DPP10: variants seen among roughly 807,000 people sequenced by gnomAD.
The protein encoded by DPP10 is dipeptidyl peptidase like 10.
DPP10 carries 33 observed loss-of-function variants against 120.9 expected under a neutral mutation model. The observed-to-expected ratio is 0.27, with a 90% CI of 0.21 to 0.37. The LOEUF (loss-of-function observed/expected upper bound fraction) is 0.37, where lower values mean the gene tolerates loss of function less well. Among genes scored for constraint, DPP10 ranks in the 10% least tolerant of loss-of-function variants. DPP10 has a pLI of 1.00. For missense variants in DPP10, 816 were observed against 942.8 expected, an observed-to-expected ratio of 0.87 and a Z score of 1.76; for synonymous variants, 337 against 326.1, an observed-to-expected ratio of 1.03 and a Z score of -0.36.
In DPP10 at chr2:115,257,765, A is replaced by T. The variant is rs556780525; in HGVS notation, c.61-51474A>T. On this transcript the variant is annotated intron_variant, in intron 1 of 25. Transcript: ENST00000410059. ...TCCTAAGTTACATAACATTTGGTCT[A>T]CATTAGTCCATTCATATAACATAGG... is the stretch of plus-strand genomic sequence containing the variant. Among the ~76,000 whole-genome samples, 9 of 152,306 alleles carry T rather than the reference A, an allele frequency of 5.9e-5. No homozygotes were observed. In the South Asian group the frequency reaches 1.9e-3, roughly 32 times the overall value.
intron 3 of DPP10, among the ~76,000 whole-genome samples, chr2:115,426,947 T>C (rs2070529626): frequency 1.3e-5 from 2 of 152,360 alleles, no homozygotes; most frequent in African/African-American, 2.4e-5. Flanking sequence ...ACTTACAAGA[T>C]ACAATGAGGT....
chr2:114,490,616 A>G (rs2104726148), intron 1 of DPP10, among the ~76,000 whole-genome samples: 1 of 152,306 alleles, frequency 6.6e-6, no homozygotes, highest in African/African-American at 2.4e-5. Context: ...TGAAGAATTG[A>G]TAGAACTTGG....
chr2:114,681,097 A>G (rs1254660795), intron 1 of DPP10, among the ~76,000 whole-genome samples: 1 of 151,922 alleles, frequency 6.6e-6, no homozygotes, highest in African/African-American at 2.4e-5. Flanking sequence ...TTCCAGTTCT[A>G]CCCCTTTTGC....
chr2:114,912,071 G>T (rs575265566), intron 1 of DPP10, among the ~76,000 whole-genome samples: 1 of 152,042 alleles, frequency 6.6e-6, no homozygotes, highest in Non-Finnish European at 1.5e-5. Context: ...ATGATATGCC[G>T]TTCAGAGAGA....
At chr2:115,409,849 A>G (rs2068808377) in intron 3 of DPP10, among the ~76,000 whole-genome samples, 2 of 152,238 alleles carry the variant, frequency 1.3e-5, no homozygotes, top group African/African-American at 4.8e-5. Flanking sequence ...GAAACAAAAT[A>G]ATAACATTCA....
chr2:115,472,400 CAGAA>C (rs1253928608), intron 3 of DPP10, among the ~76,000 whole-genome samples: 3 of 152,074 alleles, frequency 2.0e-5, no homozygotes, highest in South Asian at 2.1e-4. Flanking sequence ...ATTACAAAAG[CAGAA>C]AGAAACAGGT....
chr2:114,656,393 A>C (rs1420484993), intron 1 of DPP10, among the ~76,000 whole-genome samples: 1 of 152,144 alleles, frequency 6.6e-6, no homozygotes, highest in Non-Finnish European at 1.5e-5. Flanking sequence ...AGTGATTTGC[A>C]GAAGATAAAA....
intron 1 of DPP10, among the ~76,000 whole-genome samples, chr2:115,016,334 C>T (rs1050830906): frequency 1.1e-4 from 16 of 152,134 alleles, no homozygotes; most frequent in African/African-American, 3.6e-4. Flanking sequence ...CCCTTCCTTA[C>T]ACCTCATACA....
At chr2:115,351,546 A>G (rs1316777041) in intron 3 of DPP10, among the ~76,000 whole-genome samples, 2 of 152,096 alleles carry the variant, frequency 1.3e-5, no homozygotes, top group Non-Finnish European at 2.9e-5. Context: ...TTAAAAATCA[A>G]ATAAAAAGTA....
At chr2:115,207,926 C>T (rs1245647630) in intron 1 of DPP10, among the ~76,000 whole-genome samples, 1 of 151,966 alleles carries the variant, frequency 6.6e-6, no homozygotes, top group East Asian at 1.9e-4. Context: ...AGTTATATAA[C>T]AATAGATTGG....
At chr2:115,808,303 A>G (rs1216530720) in intron 19 of DPP10, among the ~76,000 whole-genome samples, 1 of 152,212 alleles carries the variant, frequency 6.6e-6, no homozygotes, top group East Asian at 1.9e-4. Context: ...GAGGTCAAGA[A>G]TACTTCGATG....
At position 114,810,883 on chromosome 2, in the gene DPP10, G is replaced by A. The variant is rs569641621; in HGVS notation, c.60+368045G>A. ...TAATCTTTATTTATCAATGAAACTA[G>A]CCCTGCGGTTTTTCCCAGAAGACTC... On this transcript the variant is annotated intron_variant, in intron 1 of 25. Transcript: ENST00000410059. Among the ~76,000 whole-genome samples the A allele has an allele frequency of 2.4e-4, 36 of 152,262 alleles. 1 individual carries two copies. Among genetic ancestry groups the A allele is most frequent in the Non-Finnish European group, 1.9e-4 (13 of 68,008 alleles).
chr2:115,238,742 C>A (rs1413555754), intron 1 of DPP10, among the ~76,000 whole-genome samples: 1 of 152,002 alleles, frequency 6.6e-6, no homozygotes, highest in Non-Finnish European at 1.5e-5. Context: ...GAAATGACAG[C>A]AAAGGATTTA....
chr2:114,718,585 AACTT>A lies in DPP10; in HGVS notation c.60+275748_60+275751del, dbSNP rs1173331986. ...AGAACCAATGTTTTTGGTCACAGGT[AACTT>A]GGTAAGAGAAGTTTGACACCTTTAG... On this transcript the variant is annotated intron_variant, in intron 1 of 25. Transcript: ENST00000410059. 3.3e-5 allele frequency among the ~76,000 whole-genome samples: 5 copies of A among 152,270 alleles called. No homozygotes were observed. In the East Asian group the frequency reaches 9.7e-4, roughly 29 times the overall value.
chr2:115,162,565 A>G (rs1489481831), intron 1 of DPP10, among the ~76,000 whole-genome samples: 1 of 151,714 alleles, frequency 6.6e-6, no homozygotes, highest in Non-Finnish European at 1.5e-5. Flanking sequence ...GGGATGGGGG[A>G]AGAGTGTCCC....
At chr2:115,302,720 G>A (rs1270630483) in intron 1 of DPP10, among the ~76,000 whole-genome samples, 1 of 152,054 alleles carries the variant, frequency 6.6e-6, no homozygotes, top group African/African-American at 2.4e-5. Flanking sequence ...TTGTACCATA[G>A]CTCAGATTCC....
chr2:115,414,764 A>T (rs1574769297), intron 3 of DPP10, among the ~76,000 whole-genome samples: 1 of 152,282 alleles, frequency 6.6e-6, no homozygotes, highest in Non-Finnish European at 1.5e-5. Flanking sequence ...AAAAAAGAAA[A>T]ATCCAAAGGG....
intron 1 of DPP10, among the ~76,000 whole-genome samples, chr2:114,477,470 T>C (rs1444689761): frequency 6.6e-6 from 1 of 151,192 alleles, no homozygotes; most frequent in Non-Finnish European, 1.5e-5. Context: ...TGCACACATA[T>C]ACACATACAT....
chr2:114,664,405 G>T (rs1697733851), intron 1 of DPP10, among the ~76,000 whole-genome samples: 2 of 151,874 alleles, frequency 1.3e-5, no homozygotes, highest in Non-Finnish European at 2.9e-5. Context: ...GAGGCGGATG[G>T]ATCACCTGAA....
Sources: gnomAD v4.1 joint callset for allele counts (sites outside exome capture counted in the v4.1 genomes callset) on GRCh38, gnomAD v4.1.1 for gene constraint, MANE v1.5 for transcripts, NCBI Gene and HGNC (gene_info 2026-07-23, HGNC 2026-07-21) for gene names.